Variants in ROBO2 observed in about 807,000 individuals in gnomAD.
ROBO2 encodes the protein roundabout guidance receptor 2.
A neutral mutation model predicts 160.8 loss-of-function variants in ROBO2; 53 were observed. That is an observed-to-expected ratio of 0.33 (90% CI 0.26 to 0.41). ROBO2 has a LOEUF of 0.41. Ranked by LOEUF, ROBO2 falls within the 10% of genes least tolerant of loss-of-function variation. The pLI is 1.00. For missense variants in ROBO2, 1,577 were observed against 1,722.4 expected (o/e 0.92, Z 1.49); for synonymous variants, 664 against 611.7 (o/e 1.09, Z -1.26).
chr3:76,278,158 G>A (rs912527312), intron 2 of ROBO2, among the ~76,000 whole-genome samples: 7 of 151,742 alleles, frequency 4.6e-5, no homozygotes, highest in Non-Finnish European at 1.0e-4. Flanking sequence ...AGACTAATTG[G>A]GTGATGAAAA....
chr3:76,098,615 TTTGA>T (rs10616089), intron 2 of ROBO2, among the ~76,000 whole-genome samples: 83,377 of 151,328 alleles, frequency 0.55, 23,444 homozygotes, highest in Middle Eastern at 0.74. Context: ...TTTTATATTG[TTTGA>T]TTGATATATA....
At chr3:76,406,221 A>T (rs908999241) in intron 2 of ROBO2, among the ~76,000 whole-genome samples, 1 of 151,844 alleles carries the variant, frequency 6.6e-6, no homozygotes, top group Non-Finnish European at 1.5e-5. Flanking sequence ...ACTCTCAGTA[A>T]AAATGTAATA....
At chr3:77,511,257 A>AC (rs2089355965) in intron 5 of ROBO2, among the ~76,000 whole-genome samples, 1 of 151,940 alleles carries the variant, frequency 6.6e-6, no homozygotes, top group Admixed American at 6.6e-5. Context: ...GATGGGAGAG[A>AC]CGGGCACTCA....
Position 77,342,467 on chromosome 3 carries a change from G to A in ROBO2, c.389-134947G>A, listed in dbSNP as rs578194817. Among the ~76,000 whole-genome samples, 6 of 152,246 alleles carry A rather than the reference G, an allele frequency of 3.9e-5. No individual in the cohort carries two copies. In the South Asian group the frequency reaches 1.0e-3, roughly 26 times the overall value. Reference sequence around the variant, plus strand: ...AATAAAATAATTCATAATTGTTGTAGAGAGAATTCTTCCTTTATAACTAGA... The same window carrying A: ...AATAAAATAATTCATAATTGTTGTAAAGAGAATTCTTCCTTTATAACTAGA... On this transcript the variant is annotated intron_variant, in intron 2 of 25. Transcript: ENST00000461745.
intron 2 of ROBO2, among the ~76,000 whole-genome samples, chr3:76,725,172 C>A (rs905034151): frequency 6.6e-6 from 1 of 151,860 alleles, no homozygotes; most frequent in Admixed American, 6.6e-5. Context: ...AGGTAATGGC[C>A]AAGAATTTTT....
chr3:77,012,236 T>C (rs1305482389), intron 2 of ROBO2, among the ~76,000 whole-genome samples: 1 of 152,122 alleles, frequency 6.6e-6, no homozygotes, highest in Non-Finnish European at 1.5e-5. Flanking sequence ...CAGCATACCC[T>C]GGAATAACCT....
chr3:76,411,185 A>G (rs1360020031), intron 2 of ROBO2, among the ~76,000 whole-genome samples: 2 of 152,162 alleles, frequency 1.3e-5, no homozygotes, highest in African/African-American at 2.4e-5. Flanking sequence ...AGGCTGAATT[A>G]TAGAATTCCG....
chr3:76,674,840 G>T (rs2092366805), intron 2 of ROBO2, among the ~76,000 whole-genome samples: 1 of 152,042 alleles, frequency 6.6e-6, no homozygotes, highest in African/African-American at 2.4e-5. Flanking sequence ...TTTTGAGAAA[G>T]TCTGGCTATT....
intron 2 of ROBO2, among the ~76,000 whole-genome samples, chr3:76,196,544 A>G (rs545755026): frequency 1.2e-4 from 18 of 152,158 alleles, no homozygotes; most frequent in East Asian, 3.9e-4. Context: ...GAGAGAAAAT[A>G]CTCTAAATAA....
chr3:76,534,885 T>A (rs1474458317), intron 2 of ROBO2, among the ~76,000 whole-genome samples: 1 of 151,892 alleles, frequency 6.6e-6, no homozygotes, highest in African/African-American at 2.4e-5. Flanking sequence ...TGGATTTCCA[T>A]GATGGGAAGG....
At chr3:76,857,613 G>C (rs1037988196) in intron 2 of ROBO2, among the ~76,000 whole-genome samples, 1 of 152,066 alleles carries the variant, frequency 6.6e-6, no homozygotes, top group East Asian at 1.9e-4. Context: ...ACACGTTTTT[G>C]CTGTGATGGT....
intron 2 of ROBO2, among the ~76,000 whole-genome samples, chr3:77,216,838 T>G (rs527525503): frequency 6.6e-6 from 1 of 151,974 alleles, no homozygotes; most frequent in East Asian, 1.9e-4. Flanking sequence ...AATGCCATAT[T>G]TTTTTCAAAA....
Position 76,141,068 on chromosome 3 carries a change from T to TATATATATATATATATAA in ROBO2, c.109+203475_109+203476insTATATATAAATATATATA, listed in dbSNP as rs1290955194. 1.3e-3 allele frequency among the ~76,000 whole-genome samples: 148 copies of TATATATATATATATATAA among 116,932 alleles called. 11 individuals are homozygous for TATATATATATATATATAA. Among genetic ancestry groups the TATATATATATATATATAA allele is most frequent in the African/African-American group, 4.6e-3 (144 of 31,258 alleles). The allele number at this position is 116,932 out of a possible 152,430, so 76.7% of individuals were successfully genotyped here. A position where few individuals can be genotyped will look rare whatever the true frequency, so the allele number is the denominator to read the frequency against. ...AGATGTCTTTTTACATACATATATA[T>TATATATATATATATATAA]ATATATATAAAATATATGTGCCTGG... On this transcript the variant is annotated intron_variant, in intron 2 of 26. Transcript: ENST00000487694.
At chr3:77,373,058 T>G (rs1040221729) in intron 2 of ROBO2, among the ~76,000 whole-genome samples, 2 of 147,438 alleles carry the variant, frequency 1.4e-5, no homozygotes, top group Admixed American at 6.8e-5. Context: ...AAAATAAATT[T>G]TATAATAAAA....
chr3:76,116,123 T>C (rs1469869130), intron 2 of ROBO2, among the ~76,000 whole-genome samples: 1 of 152,188 alleles, frequency 6.6e-6, no homozygotes, highest in African/African-American at 2.4e-5. Flanking sequence ...AAATCCTGAC[T>C]CTTCCCCTCA....
At chr3:77,317,223 G>T in intron 2 of ROBO2, 1 of 818,374 alleles carries the variant, frequency 1.2e-6, no homozygotes, top group Non-Finnish European at 2.2e-6. Context: ...GGAAATCCAC[G>T]TCACAGCCCA....
chr3:76,200,939 T>A (rs1702494358), intron 2 of ROBO2, among the ~76,000 whole-genome samples: 2 of 152,140 alleles, frequency 1.3e-5, no homozygotes, highest in Admixed American at 1.3e-4. Flanking sequence ...AAATAAAGAT[T>A]TATTGATGTT....
chr3:76,937,968 A>G (rs979450406), intron 2 of ROBO2, among the ~76,000 whole-genome samples: 9 of 152,208 alleles, frequency 5.9e-5, no homozygotes, highest in Non-Finnish European at 1.0e-4. Flanking sequence ...CAAGTAAAAC[A>G]CCAGCATGGC....
At chr3:76,708,206 G>T (rs9834638) in intron 2 of ROBO2, among the ~76,000 whole-genome samples, 9,364 of 152,056 alleles carry the variant, frequency 0.062, 846 homozygotes, top group African/African-American at 0.2. Flanking sequence ...CCTAGCATAG[G>T]GAAATATGAA....
Sources: allele counts gnomAD v4.1 joint callset (sites outside exome capture counted in the v4.1 genomes callset), GRCh38; gene constraint gnomAD v4.1.1; transcripts MANE v1.5; gene names NCBI Gene and HGNC (gene_info 2026-07-23, HGNC 2026-07-21).